Variants in AXIN1 observed in about 807,000 individuals in gnomAD.
The protein encoded by AXIN1 is axin 1.
In AXIN1, 30 loss-of-function variants were observed where a neutral mutation model predicts 76.4. That is an observed-to-expected ratio of 0.39 (90% confidence interval 0.29 to 0.53). AXIN1 has a LOEUF of 0.53. Ranked by LOEUF, AXIN1 falls within the 20% of genes least tolerant of loss-of-function variation. The pLI is 0.66. For missense variants in AXIN1, 1,140 were observed against 1,198.8 expected (o/e 0.95, Z 0.72); for synonymous variants, 545 against 501.4 (o/e 1.09, Z -1.16).
intron 2 of AXIN1, among the ~76,000 whole-genome samples, chr16:320,204 T>C (rs1465157272): frequency 1.3e-5 from 2 of 152,120 alleles, no homozygotes; most frequent in African/African-American, 4.8e-5. Context: ...ACACTACCAC[T>C]CCTGGCTACT....
At chr16:344,120 T>C (rs1197948041) in intron 2 of AXIN1, among the ~76,000 whole-genome samples, 1 of 151,968 alleles carries the variant, frequency 6.6e-6, no homozygotes, top group African/African-American at 2.4e-5. Flanking sequence ...AAATACCACT[T>C]GGCTAAAGAC....
chr16:307,809 G>A (rs968753625), intron 4 of AXIN1, among the ~76,000 whole-genome samples: 1 of 152,172 alleles, frequency 6.6e-6, no homozygotes, highest in Non-Finnish European at 1.5e-5. Context: ...GTGCAACCAC[G>A]GCACGTCCTG....
At chr16:311,908 G>A (rs368860634) in intron 3 of AXIN1, among the ~76,000 whole-genome samples, 2 of 152,332 alleles carry the variant, frequency 1.3e-5, no homozygotes, top group South Asian at 2.1e-4. Flanking sequence ...CCAGGGCTGC[G>A]TGGCAGACAC....
intron 2 of AXIN1, among the ~76,000 whole-genome samples, chr16:316,708 G>A (rs746773400): frequency 1.3e-5 from 2 of 151,628 alleles, no homozygotes; most frequent in Non-Finnish European, 2.9e-5. Context: ...CCTGACAGTC[G>A]TCAGCCTCAC....
chr16:347,103 T>C lies in AXIN1; in HGVS notation c.-78A>G, dbSNP rs1284724304. 1 of 1,609,788 alleles carries C rather than the reference T, an allele frequency of 6.2e-7. No homozygotes were observed. The highest frequency in any genetic ancestry group is 8.5e-7 in the Non-Finnish European group (1 of 1,179,838). ...CTTACAGCTCCAAAGTGAATCAATC[T>C]GTCCTGTTGAAACCATTAAGAGGAC... On this transcript the variant is annotated 5_prime_UTR_variant, in exon 2 of 11. Coordinates refer to ENST00000262320, the MANE Select transcript of AXIN1 (RefSeq NM_003502.4).
intron 7 of AXIN1, among the ~76,000 whole-genome samples, chr16:294,876 C>T (rs2052667059): frequency 6.7e-6 from 1 of 149,896 alleles, no homozygotes; most frequent in African/African-American, 2.5e-5. Flanking sequence ...TCCTGGCTAA[C>T]ACGGTGAAAC....
rs111711669 is a variant in AXIN1, at chr16:332,303, C to T, written c.878+13845G>A. ...ATATAAAACCTGCAGCCAGGCTGGG[C>T]GCGGTGGCTCACGCCTGTAATCCCA... is the stretch of plus-strand genomic sequence containing the variant. On this transcript the variant is annotated intron_variant, in intron 2 of 10. Coordinates refer to ENST00000262320, the MANE Select transcript of AXIN1 (RefSeq NM_003502.4). 5.5e-3 allele frequency among the ~76,000 whole-genome samples: 836 copies of T among 152,284 alleles called. 11 individuals are homozygous for T. The highest frequency in any genetic ancestry group is 0.018 in the African/African-American group (731 of 41,540).
intron 2 of AXIN1, among the ~76,000 whole-genome samples, chr16:342,408 C>G (rs1015165826): frequency 2.6e-5 from 4 of 152,172 alleles, no homozygotes. Flanking sequence ...GACTAACCGG[C>G]TCTCCACAGG....
intron 2 of AXIN1, among the ~76,000 whole-genome samples, chr16:315,412 C>T (rs2141597050): frequency 6.6e-6 from 1 of 152,304 alleles, no homozygotes; most frequent in Non-Finnish European, 1.5e-5. Context: ...TTACAGAAGT[C>T]TTCAAATAGA....
At chr16:308,590 G>A (rs1199116333) in intron 4 of AXIN1, among the ~76,000 whole-genome samples, 1 of 152,264 alleles carries the variant, frequency 6.6e-6, no homozygotes, top group Non-Finnish European at 1.5e-5. Context: ...CGTCATCCCA[G>A]CGGCTCCGCG....
In AXIN1 at chr16:287,827, T is replaced by G. The variant is rs1596955126; in HGVS notation, c.*295A>C. The G allele has an allele frequency of 6.1e-6, 3 of 492,678 alleles. No individual in the cohort carries two copies. The highest frequency in any genetic ancestry group is 1.9e-5 in the African/African-American group (1 of 51,332). 30.5% of individuals were successfully genotyped at this position (492,678 alleles called of 1,614,324 possible). A position where few individuals can be genotyped will look rare whatever the true frequency, so the allele number is the denominator to read the frequency against. On this transcript the variant is annotated 3_prime_UTR_variant, in exon 11 of 11. Transcript: ENST00000262320. ...CGTGCCCAAGGGAGGTGCCGGGGGATGGGGGGGGGTCACCTGAAGCTGGCA... is the reference window on the plus strand; with the variant it reads ...CGTGCCCAAGGGAGGTGCCGGGGGAGGGGGGGGGGTCACCTGAAGCTGGCA...
chr16:315,682 C>T (rs906970854), intron 2 of AXIN1, among the ~76,000 whole-genome samples: 12 of 152,194 alleles, frequency 7.9e-5, no homozygotes, highest in Admixed American at 4.6e-4. Flanking sequence ...AAAAAATTAG[C>T]TGGGCGTGGT....
rs214250 is a variant in AXIN1 at position 298,222 on chromosome 16, C to G, written c.1284G>C (p.Ser428=). The change falls in exon 6 of 11, where the codon TCG becomes TCC. Residue 428 remains serine (S), a synonymous_variant. Coordinates refer to ENST00000262320, the MANE Select transcript of AXIN1 (RefSeq NM_003502.4). The part of the protein sequence containing the change: ...MEEEGEDGDP[S]SGPPGPCHKL... ...TGTGACACGGCCCTGGGGGCCCTGA[C>G]GATGGATCGCCGTCCTCACCTTCCT... 1 of 1,540,044 alleles carries G rather than the reference C, an allele frequency of 6.5e-7. No homozygotes were observed. Among genetic ancestry groups the G allele is most frequent in the Non-Finnish European group, 8.7e-7 (1 of 1,147,096 alleles).
At chr16:295,181 CT>C (rs1163858376) in intron 7 of AXIN1, among the ~76,000 whole-genome samples, 1 of 150,970 alleles carries the variant, frequency 6.6e-6, no homozygotes, top group Non-Finnish European at 1.5e-5. Flanking sequence ...TCTCGGCTCA[CT>C]GCAATCTCCG....
intron 2 of AXIN1, among the ~76,000 whole-genome samples, chr16:345,501 G>T (rs1021065246): frequency 1.3e-5 from 2 of 152,198 alleles, no homozygotes; most frequent in Admixed American, 6.5e-5. Context: ...GATCACCTGA[G>T]GTCGGGAGTT....
In AXIN1 at chr16:303,070, C is replaced by A. The variant is rs902384805; in HGVS notation, c.1254+1234G>T. 3.3e-5 allele frequency among the ~76,000 whole-genome samples: 5 copies of A among 152,234 alleles called. No individual in the cohort carries two copies. In the South Asian group the frequency reaches 1.0e-3, roughly 32 times the overall value. On this transcript the variant is annotated intron_variant, in intron 5 of 10. Transcript: ENST00000262320. ...AGAGACAGGAATTTGCCACATTGCC[C>A]AGGCTGGGCTCAAACTCCTCGGCTC... is the stretch of plus-strand genomic sequence containing the variant.
At chr16:288,588 C>T (rs140241952) in intron 10 of AXIN1, among the ~76,000 whole-genome samples, 1 of 152,318 alleles carries the variant, frequency 6.6e-6, no homozygotes, top group Admixed American at 6.5e-5. Context: ...TGGAGGTGAC[C>T]CCAACTGGGG....
chr16:344,115 C>T (rs1472549947), intron 2 of AXIN1, among the ~76,000 whole-genome samples: 2 of 151,922 alleles, frequency 1.3e-5, no homozygotes, highest in Non-Finnish European at 2.9e-5. Flanking sequence ...TAAATAAATA[C>T]CACTTGGCTA....
chr16:323,438 CAAA>C (rs57234697), intron 2 of AXIN1, among the ~76,000 whole-genome samples: 2 of 77,512 alleles, frequency 2.6e-5, no homozygotes, highest in Non-Finnish European at 5.2e-5. Context: ...GACTCCGTCT[CAAA>C]AAAAAAAAAA....
Sources: allele counts gnomAD v4.1 joint callset (sites outside exome capture counted in the v4.1 genomes callset), GRCh38; gene constraint gnomAD v4.1.1; transcripts MANE v1.5; gene names NCBI Gene and HGNC (gene_info 2026-07-23, HGNC 2026-07-21).